The following RALGAPA2 variants were observed in gnomAD, a reference collection of about 807,000 sequenced individuals.
RALGAPA2 encodes ral GTPase-activating protein subunit alpha-2.
In RALGAPA2, 139 loss-of-function variants were observed where a neutral mutation model predicts 230.4. The ratio of observed to expected loss-of-function variants is 0.60; its 90% CI spans 0.53 to 0.69. The LOEUF (loss-of-function observed/expected upper bound fraction) is 0.69. RALGAPA2 is among the 30% of genes least tolerant of loss of function. The probability of loss-of-function intolerance (pLI) is 0.00; values close to 1 mark genes in which losing one functional copy is unlikely to be tolerated. For synonymous variants in RALGAPA2, 847 were observed against 837.8 expected (o/e 1.01, Z -0.19); for missense variants, 2,163 against 2,276.0 (o/e 0.95, Z 1.01).
chr20:20,568,845 T>C (rs1602850631), intron 23 of RALGAPA2, among the ~76,000 whole-genome samples: 1 of 152,332 alleles, frequency 6.6e-6, no homozygotes, highest in Non-Finnish European at 1.5e-5. Flanking sequence ...GAGACAAAAC[T>C]GATAATGTTC....
At chr20:20,508,857 C>T (rs2062613472) in intron 33 of RALGAPA2, among the ~76,000 whole-genome samples, 1 of 152,108 alleles carries the variant, frequency 6.6e-6, no homozygotes, top group African/African-American at 2.4e-5. Context: ...ACACTAAATC[C>T]AGGAGTTGGG....
intron 9 of RALGAPA2, among the ~76,000 whole-genome samples, chr20:20,633,387 G>T (rs915469044): frequency 6.6e-6 from 1 of 151,998 alleles, no homozygotes; most frequent in Non-Finnish European, 1.5e-5. Flanking sequence ...TGCCTGTCTT[G>T]GCCTCCCAAA....
chr20:20,639,919 A>G lies in RALGAPA2; in HGVS notation c.551-19T>C, dbSNP rs777677952. 2.6e-6 allele frequency: 4 copies of G among 1,533,394 alleles called. No homozygotes were observed. The highest frequency in any genetic ancestry group is 3.6e-6 in the Non-Finnish European group (4 of 1,108,186). The allele number at this position is 1,533,394 out of a possible 1,614,324, so 95.0% of individuals were successfully genotyped here. On this transcript the variant is annotated intron_variant, in intron 6 of 39. Coordinates refer to ENST00000202677, the MANE Select transcript of RALGAPA2 (RefSeq NM_020343.4). ...ATCTTTACTGAAAGGACAGAAAATG[A>G]TGACAGCTCATTCACCAAAGTTAAA...
At chr20:20,566,184 G>A (rs2064416308) in intron 23 of RALGAPA2, among the ~76,000 whole-genome samples, 1 of 152,316 alleles carries the variant, frequency 6.6e-6, no homozygotes, top group East Asian at 1.9e-4. Context: ...ATGTTGGCTG[G>A]TGTCTCTGCT....
At chr20:20,615,739 G>A (rs1036854324) in intron 13 of RALGAPA2, among the ~76,000 whole-genome samples, 3 of 151,944 alleles carry the variant, frequency 2.0e-5, no homozygotes, top group African/African-American at 7.3e-5. Flanking sequence ...TGAGCTTATG[G>A]TGAGTATTAT....
chr20:20,439,800 T>A (rs986342304), intron 37 of RALGAPA2, among the ~76,000 whole-genome samples: 2 of 152,200 alleles, frequency 1.3e-5, no homozygotes, highest in African/African-American at 4.8e-5. Flanking sequence ...ACACCATGAG[T>A]ACAAAGTACA....
chr20:20,436,631 A>G (rs1346952302), intron 37 of RALGAPA2, among the ~76,000 whole-genome samples: 1 of 152,200 alleles, frequency 6.6e-6, no homozygotes, highest in Non-Finnish European at 1.5e-5. Context: ...CTGGGGAGAC[A>G]AACACTGGAT....
At chr20:20,446,598 T>C (rs1431731000) in intron 37 of RALGAPA2, among the ~76,000 whole-genome samples, 9 of 152,216 alleles carry the variant, frequency 5.9e-5, no homozygotes, top group Admixed American at 5.9e-4. Flanking sequence ...AATGCATTAC[T>C]ACGCATAAAG....
intron 23 of RALGAPA2, among the ~76,000 whole-genome samples, chr20:20,551,163 A>C (rs1035386627): frequency 4.6e-5 from 7 of 152,244 alleles, no homozygotes; most frequent in African/African-American, 1.4e-4. Flanking sequence ...TTTTCTAAGG[A>C]GTTCTAGAAC....
intron 9 of RALGAPA2, among the ~76,000 whole-genome samples, chr20:20,630,838 G>A (rs2066648951): frequency 6.6e-6 from 1 of 151,990 alleles, no homozygotes; most frequent in African/African-American, 2.4e-5. Context: ...GGACACAGAG[G>A]CTAGATTAGG....
At chr20:20,428,287 C>G (rs528340856) in intron 37 of RALGAPA2, among the ~76,000 whole-genome samples, 2 of 152,178 alleles carry the variant, frequency 1.3e-5, no homozygotes, top group African/African-American at 2.4e-5. Flanking sequence ...GGACTTTCCA[C>G]ATTTAAGCCT....
intron 14 of RALGAPA2, among the ~76,000 whole-genome samples, chr20:20,610,957 T>G (rs2065958321): frequency 6.6e-6 from 1 of 152,170 alleles, no homozygotes; most frequent in Admixed American, 6.5e-5. Flanking sequence ...CCTGTGGCTT[T>G]AAATACAATT....
At chr20:20,676,937 T>C (rs1377300061) in intron 2 of RALGAPA2, among the ~76,000 whole-genome samples, 1 of 152,272 alleles carries the variant, frequency 6.6e-6, no homozygotes, top group East Asian at 1.9e-4. Flanking sequence ...CCACAGACAA[T>C]ACATAAATAA....
intron 39 of RALGAPA2, among the ~76,000 whole-genome samples, chr20:20,394,501 A>G (rs773279709): frequency 9.2e-5 from 14 of 152,150 alleles, no homozygotes; most frequent in Admixed American, 6.5e-4. Flanking sequence ...TTATCCAGGC[A>G]TGGTGGTGCG....
chr20:20,499,292 T>G (rs1446590201), intron 35 of RALGAPA2, among the ~76,000 whole-genome samples: 1 of 152,116 alleles, frequency 6.6e-6, no homozygotes, highest in Non-Finnish European at 1.5e-5. Flanking sequence ...ATTTACAGCT[T>G]GGCATTTTAT....
At chr20:20,522,240 C>A in intron 30 of RALGAPA2, among the ~76,000 whole-genome samples, 1 of 142,288 alleles carries the variant, frequency 7.0e-6, no homozygotes. Context: ...GAAATGCATA[C>A]GTATATGTAC....
intron 4 of RALGAPA2, among the ~76,000 whole-genome samples, chr20:20,646,795 T>C (rs2067229772): frequency 6.6e-6 from 1 of 152,166 alleles, no homozygotes; most frequent in African/African-American, 2.4e-5. Context: ...GAATCCATAA[T>C]GAACAATATT....
intron 21 of RALGAPA2, 28 bp downstream of exon 21, chr20:20,572,847 G>T: frequency 6.9e-7 from 1 of 1,444,608 alleles, no homozygotes; most frequent in South Asian, 1.4e-5. Context: ...TCCTGGATTA[G>T]AATAAAAAGT....
intron 37 of RALGAPA2, among the ~76,000 whole-genome samples, chr20:20,444,734 C>G (rs2060821028): frequency 6.6e-6 from 1 of 152,216 alleles, no homozygotes; most frequent in Admixed American, 6.5e-5. Context: ...CTCACCAACA[C>G]TTGGTATTTT....
Sources: allele counts gnomAD v4.1 joint callset (sites outside exome capture counted in the v4.1 genomes callset), GRCh38; gene constraint gnomAD v4.1.1; transcripts MANE v1.5; gene names NCBI Gene and HGNC (gene_info 2026-07-23, HGNC 2026-07-21).